The following PCDH17 variants were observed in gnomAD, a reference collection of about 807,000 sequenced individuals.
PCDH17 encodes protocadherin-17.
A neutral mutation model predicts 67.7 loss-of-function variants in PCDH17; 21 were observed. The ratio of observed to expected loss-of-function variants is 0.31; its 90% CI spans 0.22 to 0.45. The LOEUF (loss-of-function observed/expected upper bound fraction) is 0.45. Ranked by LOEUF, PCDH17 falls within the 20% of genes least tolerant of loss-of-function variation. The pLI is 1.00. For missense variants in PCDH17, 1,471 were observed against 1,564.8 expected (o/e 0.94, Z 1.01); for synonymous variants, 701 against 656.7 (o/e 1.07, Z -1.03).
chr13:57,662,609 GA>G (rs1158100100), intron 1 of PCDH17, among the ~76,000 whole-genome samples: 2 of 152,096 alleles, frequency 1.3e-5, no homozygotes, highest in African/African-American at 4.8e-5. Flanking sequence ...CAGCTAGCAT[GA>G]CTCAGTTTCA....
chr13:57,634,025 T>A lies in PCDH17; in HGVS notation c.1479T>A (p.Ser493=). 6.2e-7 allele frequency: 1 copy of A among 1,613,474 alleles called. No individual in the cohort carries two copies. Among genetic ancestry groups the A allele is most frequent in the Non-Finnish European group, 8.5e-7 (1 of 1,180,026 alleles). ...ACATCCCGGGAGAGTACCTGGGCTC[T>A]GTGCTCGCCCAGGATCCCGACCTGG... ...ENNIPGEYLG[S]VLAQDPDLGQ... Residue 493 remains serine, a synonymous_variant, in exon 1 of 4, where the codon TCT becomes TCA. Coordinates refer to ENST00000377918, the MANE Select transcript of PCDH17 (RefSeq NM_001040429.3). This position sits in a 1 kb window ranked among gnomAD's most constrained non-coding sequence, Gnocchi z 7.8.
At chr13:57,693,320 A>G (rs1955576967) in intron 3 of PCDH17, among the ~76,000 whole-genome samples, 1 of 123,914 alleles carries the variant, frequency 8.1e-6, no homozygotes, top group East Asian at 2.2e-4. Context: ...ACATTCATAT[A>G]TATATATATA....
At chr13:57,687,378 T>G (rs1388984344) in intron 3 of PCDH17, among the ~76,000 whole-genome samples, 1 of 152,014 alleles carries the variant, frequency 6.6e-6, no homozygotes, top group Non-Finnish European at 1.5e-5. Context: ...AGCTCTTTTC[T>G]TTCAATGGAG....
intron 1 of PCDH17, among the ~76,000 whole-genome samples, chr13:57,643,151 C>G (rs964833655): frequency 3.3e-5 from 5 of 151,508 alleles, no homozygotes; most frequent in Non-Finnish European, 7.4e-5. Context: ...ATTTATAAAG[C>G]AATTCACCTT....
chr13:57,659,103 T>TTTTGTG (rs374114309), intron 1 of PCDH17, among the ~76,000 whole-genome samples: 2 of 139,750 alleles, frequency 1.4e-5, no homozygotes. Flanking sequence ...GTTATTTATA[T>TTTTGTG]TGTGTGTGTG....
At chr13:57,700,356 A>G (rs1489067783) in intron 3 of PCDH17, among the ~76,000 whole-genome samples, 3 of 140,994 alleles carry the variant, frequency 2.1e-5, no homozygotes, top group Non-Finnish European at 4.5e-5. Context: ...GTCTTGCTCT[A>G]TCGCCAGGCT....
chr13:57,698,414 T>C (rs1445985476), intron 3 of PCDH17, among the ~76,000 whole-genome samples: 1 of 151,886 alleles, frequency 6.6e-6, no homozygotes, highest in Non-Finnish European at 1.5e-5. Flanking sequence ...ATAAATGTTC[T>C]GTTTGAGATT....
chr13:57,706,296 G>A (rs550126561), intron 3 of PCDH17, among the ~76,000 whole-genome samples: 26 of 152,074 alleles, frequency 1.7e-4, no homozygotes, highest in African/African-American at 6.3e-4. Context: ...TTGCCAAATT[G>A]TTTATTTGTG....
chr13:57,699,850 A>G lies in PCDH17; in HGVS notation c.2798-24762A>G, dbSNP rs1300391265. 3.3e-5 allele frequency among the ~76,000 whole-genome samples: 5 copies of G among 152,198 alleles called. 1 individual carries two copies. The South Asian group carries it at 1.0e-3, about 32-fold the overall frequency. ...AATGTATATTCTTTTCCAGGAAAAA[A>G]ATGTTAAAATTATTCAACCCAATGA... is the stretch of plus-strand genomic sequence containing the variant. On this transcript the variant is annotated intron_variant, in intron 3 of 3. Coordinates refer to ENST00000377918, the MANE Select transcript of PCDH17 (RefSeq NM_001040429.3).
chr13:57,636,780 C>T (rs1226994810), intron 1 of PCDH17, among the ~76,000 whole-genome samples: 1 of 152,066 alleles, frequency 6.6e-6, no homozygotes, highest in Non-Finnish European at 1.5e-5. Flanking sequence ...TATAAATACA[C>T]ATATGTTAAA....
At chr13:57,652,679 T>A (rs928892489) in intron 1 of PCDH17, among the ~76,000 whole-genome samples, 2 of 152,176 alleles carry the variant, frequency 1.3e-5, no homozygotes, top group African/African-American at 2.4e-5. Flanking sequence ...TGCTTCTGAT[T>A]CCATTTATAC....
intron 3 of PCDH17, among the ~76,000 whole-genome samples, chr13:57,719,691 C>T (rs1955857166): frequency 6.6e-6 from 1 of 151,932 alleles, no homozygotes; most frequent in Non-Finnish European, 1.5e-5. Context: ...AAATTTCTGC[C>T]TGAGAGCAAA....
chr13:57,636,970 T>C (rs1292953729), intron 1 of PCDH17, among the ~76,000 whole-genome samples: 1 of 152,090 alleles, frequency 6.6e-6, no homozygotes. Context: ...CAATCTTGGA[T>C]TGAAATATCC....
At position 57,722,881 on chromosome 13, in the gene PCDH17, T is replaced by G. The variant is rs193295406; in HGVS notation, c.2798-1731T>G. ...GCCTCAGACTCCCAAAGTGCTGGGA[T>G]TATAGGCATAAGCCACTATACCTGG... On this transcript the variant is annotated intron_variant, in intron 3 of 3. Coordinates refer to ENST00000377918, the MANE Select transcript of PCDH17 (RefSeq NM_001040429.3). 9.9e-5 allele frequency among the ~76,000 whole-genome samples: 15 copies of G among 152,270 alleles called. No individual in the cohort carries two copies. The East Asian group carries it at 2.9e-3, about 29-fold the overall frequency.
At chr13:57,712,530 T>A (rs1432375684) in intron 3 of PCDH17, among the ~76,000 whole-genome samples, 1 of 151,690 alleles carries the variant, frequency 6.6e-6, no homozygotes, top group Non-Finnish European at 1.5e-5. Context: ...GCCTAAAAAA[T>A]TTATTTTGGC....
upstream of PCDH17, among the ~76,000 whole-genome samples, chr13:57,630,568 A>C (rs1954705269): frequency 1.3e-5 from 2 of 152,316 alleles, no homozygotes; most frequent in South Asian, 2.1e-4. Context: ...GGTTTAAAAA[A>C]AATAAACAAA....
At chr13:57,711,241 G>T (rs1019050702) in intron 3 of PCDH17, among the ~76,000 whole-genome samples, 1 of 151,882 alleles carries the variant, frequency 6.6e-6, no homozygotes, top group Non-Finnish European at 1.5e-5. Context: ...TCAAATGTAT[G>T]TGAATGCTCA....
intron 1 of PCDH17, among the ~76,000 whole-genome samples, chr13:57,661,212 T>C (rs1955179437): frequency 6.6e-6 from 1 of 152,176 alleles, no homozygotes; most frequent in South Asian, 2.1e-4. Flanking sequence ...ATATATAGTG[T>C]CATTTTATTG....
chr13:57,635,731 CAGCT>C (rs1954815415), intron 1 of PCDH17, among the ~76,000 whole-genome samples: 1 of 152,192 alleles, frequency 6.6e-6, no homozygotes, highest in African/African-American at 2.4e-5. Flanking sequence ...TGCATTAATA[CAGCT>C]TAAGCTTTTC....
Sources: gnomAD v4.1 joint callset for allele counts (sites outside exome capture counted in the v4.1 genomes callset) on GRCh38, gnomAD v4.1.1 for gene constraint, Gnocchi (gnomAD v3.1) non-coding constraint, MANE v1.5 for transcripts, NCBI Gene and HGNC (gene_info 2026-07-23, HGNC 2026-07-21) for gene names.